Variants in CCDC83 observed in about 807,000 individuals in gnomAD.
CCDC83 encodes the protein coiled-coil domain containing 83.
In CCDC83, 54 loss-of-function variants were observed where a neutral mutation model predicts 50.1. The observed-to-expected ratio is 1.08, with a 90% CI of 0.87 to 1.35. CCDC83 has a LOEUF of 1.35. Among genes scored for constraint, CCDC83 ranks in the 40% most tolerant of loss-of-function variants. The pLI is 0.00. For missense variants in CCDC83, 518 were observed against 473.9 expected, an observed-to-expected ratio of 1.09 and a Z score of -0.86; for synonymous variants, 161 against 153.3, an observed-to-expected ratio of 1.05 and a Z score of -0.37.
Position 85,919,473 on chromosome 11 carries a change from G to A in CCDC83, c.1205G>A (p.Ser402Asn). 1 of 1,611,954 alleles carries A rather than the reference G, an allele frequency of 6.2e-7. No homozygotes were observed. Among genetic ancestry groups the A allele is most frequent in the Non-Finnish European group, 8.5e-7 (1 of 1,179,110 alleles). Residue 402 changes from serine to asparagine, a missense_variant, in exon 11 of 11, where the codon AGC becomes AAC. Transcript: ENST00000342404. The stretch of plus-strand genomic sequence containing the variant: ...TATAAAGATGTCAGGAGCCCAGAAA[G>A]CCACATCACATATAAGATGATGAAG... ...KLYKDVRSPE[S>N]HITYKMMKSF...
intron 2 of CCDC83, among the ~76,000 whole-genome samples, chr11:85,869,725 C>T (rs768795841): frequency 2.0e-5 from 3 of 152,168 alleles, no homozygotes; most frequent in Non-Finnish European, 2.9e-5. Context: ...GATTCTAGGG[C>T]ACTGAGTAGA....
chr11:85,865,899 G>GA (rs766010816), intron 2 of CCDC83, among the ~76,000 whole-genome samples: 2,835 of 109,468 alleles, frequency 0.026, 83 homozygotes, highest in African/African-American at 0.084. Flanking sequence ...GTTCCATCTC[G>GA]AAAAAAAAAA....
intron 10 of CCDC83, among the ~76,000 whole-genome samples, chr11:85,918,155 C>T (rs2093491370): frequency 6.6e-6 from 1 of 152,142 alleles, no homozygotes; most frequent in African/African-American, 2.4e-5. Flanking sequence ...TTGAGAACCC[C>T]ACAACATGCC....
At chr11:85,873,757 T>C (rs1041043174) in intron 3 of CCDC83, among the ~76,000 whole-genome samples, 3 of 152,232 alleles carry the variant, frequency 2.0e-5, no homozygotes, top group Admixed American at 2.0e-4. Flanking sequence ...ACTGTTTTTA[T>C]AAAATCAGAT....
intron 3 of CCDC83, among the ~76,000 whole-genome samples, chr11:85,877,093 C>A (rs2093273567): frequency 6.6e-6 from 1 of 152,168 alleles, no homozygotes; most frequent in Non-Finnish European, 1.5e-5. Context: ...GACACATTCT[C>A]CTTCCATTCA....
chr11:85,881,339 C>G (rs531245339), intron 3 of CCDC83, among the ~76,000 whole-genome samples: 1 of 151,650 alleles, frequency 6.6e-6, no homozygotes, highest in Admixed American at 6.6e-5. Context: ...CACCACTGCA[C>G]GCCAGCCTTG....
intron 1 of CCDC83, among the ~76,000 whole-genome samples, chr11:85,859,059 T>C (rs1416526775): frequency 6.8e-6 from 1 of 146,974 alleles, no homozygotes; most frequent in Non-Finnish European, 1.5e-5. Flanking sequence ...ATAATTCCTA[T>C]CACAACCCTG....
chr11:85,904,706 T>A (rs2135113550), intron 7 of CCDC83, among the ~76,000 whole-genome samples: 1 of 152,322 alleles, frequency 6.6e-6, no homozygotes, highest in East Asian at 1.9e-4. Flanking sequence ...TCAATGTACC[T>A]AAAGCAGGAC....
At chr11:85,873,605 C>G (rs759217865) in intron 3 of CCDC83, among the ~76,000 whole-genome samples, 1 of 152,062 alleles carries the variant, frequency 6.6e-6, no homozygotes, top group Non-Finnish European at 1.5e-5. Context: ...TTTATTTAAC[C>G]AAACCATAAA....
chr11:85,860,156 G>A (rs2093167128), intron 1 of CCDC83, among the ~76,000 whole-genome samples: 1 of 151,878 alleles, frequency 6.6e-6, no homozygotes, highest in Admixed American at 6.6e-5. Context: ...AAATAAATTA[G>A]CCAGGCATGG....
intron 4 of CCDC83, 118 bp from the exon 5 acceptor site, chr11:85,886,082 A>C: frequency 1.5e-6 from 1 of 681,370 alleles, no homozygotes; most frequent in Admixed American, 3.9e-5. Context: ...TTAGATATAA[A>C]ATAGTATTTA....
intron 5 of CCDC83, among the ~76,000 whole-genome samples, chr11:85,887,184 C>T (rs2093331171): frequency 1.3e-5 from 2 of 152,180 alleles, no homozygotes; most frequent in Admixed American, 6.5e-5. Flanking sequence ...CCGTCAGGAG[C>T]AATGAAGCTT....
Position 85,919,833 on chromosome 11 carries a change from A to G in CCDC83, c.*323A>G, listed in dbSNP as rs1039112940. 7 of 254,898 alleles carry G rather than the reference A, an allele frequency of 2.7e-5. No individual in the cohort carries two copies. The highest frequency in any genetic ancestry group is 4.4e-5 in the Non-Finnish European group (6 of 135,020). The allele number at this position is 254,898 out of a possible 1,614,324, so 15.8% of individuals were successfully genotyped here. A position where few individuals can be genotyped will look rare whatever the true frequency, so the allele number is the denominator to read the frequency against. On this transcript the variant is annotated 3_prime_UTR_variant, in exon 11 of 11. Transcript: ENST00000342404. ...TGTGATTCCAGTATGAAATAGTTCC[A>G]TTAGAAATGTTTCTAAGAAAAACTT...
chr11:85,912,728 GC>G, intron 8 of CCDC83: 1 of 1,605,158 alleles, frequency 6.2e-7, no homozygotes, highest in Non-Finnish European at 8.5e-7. Context: ...TCTAATCTCT[GC>G]CAGGCGTTGC....
chr11:85,907,483 G>C (rs2093430949), intron 7 of CCDC83, among the ~76,000 whole-genome samples: 1 of 152,172 alleles, frequency 6.6e-6, no homozygotes, highest in African/African-American at 2.4e-5. Context: ...TCTTTCAGGA[G>C]AAAATTTCAA....
intron 3 of CCDC83, among the ~76,000 whole-genome samples, chr11:85,874,329 C>T (rs910002539): frequency 1.3e-5 from 2 of 152,178 alleles, no homozygotes; most frequent in Non-Finnish European, 2.9e-5. Context: ...TAAGTCCCAT[C>T]GATGCACCCA....
At chr11:85,857,866 T>C (rs566685446) in intron 1 of CCDC83, among the ~76,000 whole-genome samples, 3 of 152,278 alleles carry the variant, frequency 2.0e-5, no homozygotes, top group East Asian at 3.9e-4. Context: ...GTGGCCACCA[T>C]AGACGAGGCC....
chr11:85,879,020 T>C (rs948827810), intron 3 of CCDC83, among the ~76,000 whole-genome samples: 1 of 152,216 alleles, frequency 6.6e-6, no homozygotes, highest in Non-Finnish European at 1.5e-5. Flanking sequence ...ATATATAATC[T>C]TCTAAAACTA....
rs114568739 is a variant in CCDC83, at chr11:85,910,072, A to G, written c.673-1209A>G. Among the ~76,000 whole-genome samples, 1,510 of 152,264 alleles carry G rather than the reference A, an allele frequency of 9.9e-3. 19 individuals are homozygous for G. The highest frequency in any genetic ancestry group is 0.029 in the African/African-American group (1,185 of 41,540). ...TTTGCACATGTGGTTTCTTCTGCCT[A>G]GAGCACAGCCTCCTGTGTCTGCCCA... On this transcript the variant is annotated intron_variant, in intron 7 of 10. Transcript: ENST00000342404.
Sources: gnomAD v4.1 joint callset for allele counts (sites outside exome capture counted in the v4.1 genomes callset) on GRCh38, gnomAD v4.1.1 for gene constraint, MANE v1.5 for transcripts, NCBI Gene and HGNC (gene_info 2026-07-23, HGNC 2026-07-21) for gene names.